The following CTDSPL variants were observed in gnomAD, a reference collection of about 807,000 sequenced individuals.
CTDSPL encodes the protein CTD small phosphatase-like protein.
Under a neutral mutation model 30.5 loss-of-function variants are expected in CTDSPL, and 8 were observed. That is an observed-to-expected ratio of 0.26 (90% CI 0.15 to 0.47). The LOEUF (loss-of-function observed/expected upper bound fraction) is 0.47. Ranked by LOEUF, CTDSPL falls within the 20% of genes least tolerant of loss-of-function variation. The pLI is 0.99. For synonymous variants in CTDSPL, 110 were observed against 137.9 expected, an observed-to-expected ratio of 0.80 and a Z score of 1.42; for missense variants, 248 against 366.1, an observed-to-expected ratio of 0.68 and a Z score of 2.63.
intron 1 of CTDSPL, among the ~76,000 whole-genome samples, chr3:37,918,552 C>T (rs907629736): frequency 8.5e-5 from 13 of 152,226 alleles, no homozygotes; most frequent in African/African-American, 3.1e-4. Context: ...TTCTATCCTT[C>T]AATCACCTTC....
intron 1 of CTDSPL, among the ~76,000 whole-genome samples, chr3:37,879,512 C>T (rs374395584): frequency 2.0e-5 from 3 of 152,244 alleles, no homozygotes; most frequent in African/African-American, 7.2e-5. Flanking sequence ...GCCTCCTATG[C>T]GGGATTCTCC....
At chr3:37,921,754 A>C (rs1045648892) in intron 1 of CTDSPL, among the ~76,000 whole-genome samples, 3 of 152,194 alleles carry the variant, frequency 2.0e-5, no homozygotes, top group Admixed American at 6.5e-5. Flanking sequence ...ACCACCTGTA[A>C]GGAAGTGGTG....
At chr3:37,978,793 A>C (rs1463008537) in intron 7 of CTDSPL, among the ~76,000 whole-genome samples, 1 of 152,188 alleles carries the variant, frequency 6.6e-6, no homozygotes, top group African/African-American at 2.4e-5. Flanking sequence ...CTATTAGTGG[A>C]AGTGGTATTT....
intron 1 of CTDSPL, among the ~76,000 whole-genome samples, chr3:37,905,298 A>G (rs192396300): frequency 3.3e-5 from 5 of 152,376 alleles, no homozygotes; most frequent in African/African-American, 9.6e-5. Context: ...TATAGAATAT[A>G]TAAAGGAAAT....
chr3:37,941,148 A>C (rs1370964189), intron 1 of CTDSPL, among the ~76,000 whole-genome samples: 3 of 150,330 alleles, frequency 2.0e-5, no homozygotes, highest in Non-Finnish European at 3.0e-5. Flanking sequence ...CTCTAAGGGC[A>C]TATCCAGGAA....
Position 37,982,569 on chromosome 3 carries a change from T to A in CTDSPL, c.*1702T>A. 1 of 456,714 alleles carries A rather than the reference T, an allele frequency of 2.2e-6. No individual in the cohort carries two copies. Among genetic ancestry groups the A allele is most frequent in the Non-Finnish European group, 4.4e-6 (1 of 226,984 alleles). The allele number at this position is 456,714 out of a possible 1,614,324, so 28.3% of individuals were successfully genotyped here. On this transcript the variant is annotated 3_prime_UTR_variant, in exon 8 of 8. Coordinates refer to ENST00000273179, the MANE Select transcript of CTDSPL (RefSeq NM_001008392.2). ...TGTTTTGCTTTCATTCACAAAGTAATGAAGCCAGCTGCCAATTACATCCTC... is the reference window on the plus strand; with the variant it reads ...TGTTTTGCTTTCATTCACAAAGTAAAGAAGCCAGCTGCCAATTACATCCTC...
intron 1 of CTDSPL, among the ~76,000 whole-genome samples, chr3:37,915,985 G>C (rs982983295): frequency 1.3e-5 from 2 of 152,166 alleles, no homozygotes; most frequent in Non-Finnish European, 2.9e-5. Flanking sequence ...CATTTTCAGA[G>C]ATTGAGATGG....
intron 1 of CTDSPL, among the ~76,000 whole-genome samples, chr3:37,878,047 A>G (rs1404088809): frequency 1.3e-5 from 2 of 152,070 alleles, no homozygotes; most frequent in African/African-American, 2.4e-5. Context: ...TCCCACCAAC[A>G]GTGCACAGGG....
chr3:37,878,887 A>G (rs192154492), intron 1 of CTDSPL, among the ~76,000 whole-genome samples: 132 of 152,344 alleles, frequency 8.7e-4, no homozygotes, highest in African/African-American at 3.0e-3. Context: ...AACTGTAATT[A>G]TGCAATAGTA....
chr3:37,947,368 G>A (rs980334427), intron 2 of CTDSPL, among the ~76,000 whole-genome samples, 157 bp downstream of exon 2: 21 of 152,110 alleles, frequency 1.4e-4, no homozygotes, highest in African/African-American at 4.8e-4. Context: ...AGACCAGCCT[G>A]GCCAATATAG....
At chr3:37,882,490 A>G (rs112687261) in intron 1 of CTDSPL, among the ~76,000 whole-genome samples, 7,673 of 150,498 alleles carry the variant, frequency 0.051, 242 homozygotes, top group South Asian at 0.095. Flanking sequence ...AGTGGTGCAC[A>G]CCTGTAAACC....
intron 1 of CTDSPL, among the ~76,000 whole-genome samples, chr3:37,886,115 G>T (rs558505540): frequency 1.2e-4 from 18 of 152,244 alleles, no homozygotes; most frequent in South Asian, 4.1e-4. Flanking sequence ...CCCCAGGGCT[G>T]CCTGAACCCC....
chr3:37,980,779 C>T lies in CTDSPL; in HGVS notation c.743C>T (p.Thr248Met), dbSNP rs141503866. The T allele has an allele frequency of 3.7e-6, 6 of 1,614,112 alleles. No individual in the cohort carries two copies. The highest frequency in any genetic ancestry group is 4.2e-6 in the Non-Finnish European group (5 of 1,180,058). The change falls in exon 8 of 8, where the codon ACG becomes ATG. Residue 248 changes from threonine (T) to methionine (M), a missense_variant. Physicochemically the swap from Thr to Met is moderately conservative, Grantham distance 81 (BLOSUM62 -1). Around this residue, in one of 4 missense-constraint regions of CTDSPL, gnomAD observed 84 missense variants for 139.4 expected, o/e 0.60. Coordinates refer to ENST00000273179, the MANE Select transcript of CTDSPL (RefSeq NM_001008392.2). ...TCCTGGTTCGATGACATGACGGACA[C>T]GGAGCTGCTGGACCTCATCCCCTTC... ...VQSWFDDMTDTELLDLIPFFE... is the reference protein window; with the variant it reads ...VQSWFDDMTDMELLDLIPFFE...
chr3:37,903,102 A>G (rs1315894590), intron 1 of CTDSPL, among the ~76,000 whole-genome samples: 1 of 152,324 alleles, frequency 6.6e-6, no homozygotes, highest in East Asian at 1.9e-4. Flanking sequence ...AGCCAAGCAC[A>G]GGCCTTGGCC....
chr3:37,919,573 T>C (rs1179394742), intron 1 of CTDSPL, among the ~76,000 whole-genome samples: 1 of 152,190 alleles, frequency 6.6e-6, no homozygotes, highest in Non-Finnish European at 1.5e-5. Context: ...TTAATAGTAG[T>C]AGGAGTTTTC....
At chr3:37,960,004 G>A (rs752067546) in intron 3 of CTDSPL, among the ~76,000 whole-genome samples, 6 of 152,072 alleles carry the variant, frequency 3.9e-5, no homozygotes, top group Non-Finnish European at 7.4e-5. Flanking sequence ...AGAAGTTCGC[G>A]ACCAGCCTGG....
At chr3:37,919,745 T>C (rs968146439) in intron 1 of CTDSPL, among the ~76,000 whole-genome samples, 1 of 151,856 alleles carries the variant, frequency 6.6e-6, no homozygotes, top group Middle Eastern at 3.4e-3. Context: ...GATAGTGGAG[T>C]CTCCATCAGC....
intron 2 of CTDSPL, among the ~76,000 whole-genome samples, chr3:37,953,603 G>T (rs1034404923): frequency 2.0e-5 from 3 of 152,170 alleles, no homozygotes; most frequent in Admixed American, 2.0e-4. Flanking sequence ...GGCAGATCAA[G>T]CAGAAAGCAA....
intron 5 of CTDSPL, chr3:37,969,602 C>T (rs1699342523): frequency 2.9e-6 from 1 of 348,224 alleles, no homozygotes; most frequent in East Asian, 8.6e-5. Context: ...AAGCAGGACT[C>T]CCAGGGTGAC....
Sources: allele counts gnomAD v4.1 joint callset (sites outside exome capture counted in the v4.1 genomes callset), GRCh38; gene constraint gnomAD v4.1.1; regional missense constraint gnomAD v4.1.1; transcripts MANE v1.5; gene names NCBI Gene and HGNC (gene_info 2026-07-23, HGNC 2026-07-21).